Variants in PIP4K2A observed in about 807,000 individuals in gnomAD.
The protein encoded by PIP4K2A is phosphatidylinositol-5-phosphate 4-kinase type 2 alpha, also known as phosphatidylinositol 5-phosphate 4-kinase type-2 alpha.
In PIP4K2A, 14 loss-of-function variants were observed where a neutral mutation model predicts 42.9. That is an observed-to-expected ratio of 0.33 (90% CI 0.22 to 0.51). The LOEUF is 0.51. PIP4K2A is among the 20% of genes least tolerant of loss of function. PIP4K2A has a pLI of 0.97. For missense variants in PIP4K2A, 434 were observed against 519.8 expected (o/e 0.83, Z 1.61); for synonymous variants, 192 against 192.2 (o/e 1.00, Z 0.01).
chr10:22,702,160 T>C (rs1333079488), intron 1 of PIP4K2A, among the ~76,000 whole-genome samples: 1 of 152,140 alleles, frequency 6.6e-6, no homozygotes, highest in East Asian at 1.9e-4. Flanking sequence ...TGAATGACTA[T>C]CCAAGGAAGT....
intron 1 of PIP4K2A, among the ~76,000 whole-genome samples, chr10:22,635,084 G>GGGGA (rs1395126063): frequency 6.6e-6 from 1 of 152,110 alleles, no homozygotes; most frequent in Non-Finnish European, 1.5e-5. Context: ...AGCACATTTG[G>GGGGA]GGGAGGGAGG....
chr10:22,713,622 GAA>G (rs1348897488), intron 1 of PIP4K2A, among the ~76,000 whole-genome samples: 1 of 152,216 alleles, frequency 6.6e-6, no homozygotes, highest in African/African-American at 2.4e-5. Flanking sequence ...AAAGGAAAAA[GAA>G]AGGACCTAAG....
At chr10:22,597,813 TCCTA>T (rs1448966557) in intron 3 of PIP4K2A, among the ~76,000 whole-genome samples, 2 of 152,118 alleles carry the variant, frequency 1.3e-5, no homozygotes, top group East Asian at 3.9e-4. Flanking sequence ...ATGAAGCTGA[TCCTA>T]CCTAAGGCCT....
chr10:22,636,167 G>A (rs574143996), intron 1 of PIP4K2A, among the ~76,000 whole-genome samples: 12 of 152,276 alleles, frequency 7.9e-5, no homozygotes, highest in Admixed American at 7.2e-4. Flanking sequence ...GAACCAGAAG[G>A]AACAGGAAAC....
chr10:22,659,024 A>G (rs191514061), intron 1 of PIP4K2A, among the ~76,000 whole-genome samples: 4 of 152,028 alleles, frequency 2.6e-5, no homozygotes, highest in African/African-American at 9.7e-5. Context: ...AATCCAAGAA[A>G]CTTGGGTCTG....
chr10:22,547,991 C>A (rs558383715), intron 7 of PIP4K2A, among the ~76,000 whole-genome samples: 16 of 152,160 alleles, frequency 1.1e-4, no homozygotes, highest in Non-Finnish European at 1.8e-4. Context: ...AGATCTCCTA[C>A]TCGAGGCATT....
chr10:22,566,174 T>C (rs55867440), intron 6 of PIP4K2A, among the ~76,000 whole-genome samples: 89,155 of 151,972 alleles, frequency 0.59, 26,695 homozygotes, highest in South Asian at 0.78. Context: ...TAATAAAAAC[T>C]TGCTGTTTTT....
At chr10:22,649,991 C>T (rs1838959714) in intron 1 of PIP4K2A, among the ~76,000 whole-genome samples, 1 of 152,168 alleles carries the variant, frequency 6.6e-6, no homozygotes, top group African/African-American at 2.4e-5. Flanking sequence ...TTCTATCTGC[C>T]TTCCTCATTA....
chr10:22,594,173 C>T (rs1837572190), intron 3 of PIP4K2A, among the ~76,000 whole-genome samples: 1 of 152,128 alleles, frequency 6.6e-6, no homozygotes, highest in African/African-American at 2.4e-5. Flanking sequence ...ATGGTGTTTA[C>T]CCTGTGTTTT....
chr10:22,607,145 C>A (rs1048323476), intron 3 of PIP4K2A, among the ~76,000 whole-genome samples: 1 of 152,106 alleles, frequency 6.6e-6, no homozygotes, highest in African/African-American at 2.4e-5. Context: ...CCTTGGATTT[C>A]CACTTTTAAA....
At chr10:22,539,018 A>G (rs1836013600) in intron 9 of PIP4K2A, among the ~76,000 whole-genome samples, 1 of 152,246 alleles carries the variant, frequency 6.6e-6, no homozygotes, top group African/African-American at 2.4e-5. Flanking sequence ...TCCAGGGCCA[A>G]CAAACCAGGG....
At chr10:22,657,269 G>A (rs1373894462) in intron 1 of PIP4K2A, among the ~76,000 whole-genome samples, 3 of 152,158 alleles carry the variant, frequency 2.0e-5, no homozygotes, top group Non-Finnish European at 4.4e-5. Context: ...CCTCTGCAAT[G>A]GGATGCCTTC....
chr10:22,623,055 G>T (rs913112355), intron 1 of PIP4K2A, among the ~76,000 whole-genome samples: 1 of 152,034 alleles, frequency 6.6e-6, no homozygotes, highest in African/African-American at 2.4e-5. Context: ...AGCAAACACC[G>T]GGGCAAATAA....
intron 1 of PIP4K2A, among the ~76,000 whole-genome samples, chr10:22,693,368 T>TA (rs1387220985): frequency 6.6e-6 from 1 of 152,162 alleles, no homozygotes. Context: ...GAGTAATACA[T>TA]ACAAGGATTT....
intron 1 of PIP4K2A, among the ~76,000 whole-genome samples, chr10:22,706,539 A>G (rs1227060774): frequency 6.6e-6 from 1 of 151,818 alleles, no homozygotes; most frequent in East Asian, 1.9e-4. Context: ...AATACCTTCC[A>G]CCCCTAGCAT....
At chr10:22,665,432 CATT>C (rs1216892584) in intron 1 of PIP4K2A, among the ~76,000 whole-genome samples, 1 of 152,006 alleles carries the variant, frequency 6.6e-6, no homozygotes, top group African/African-American at 2.4e-5. Flanking sequence ...TACTGAAGGT[CATT>C]CACTTTGTTT....
chr10:22,627,409 A>G (rs1838462439), intron 1 of PIP4K2A, among the ~76,000 whole-genome samples: 1 of 151,936 alleles, frequency 6.6e-6, no homozygotes, highest in Non-Finnish European at 1.5e-5. Context: ...GCCCTAAGTG[A>G]TCTCTCAAAG....
chr10:22,643,193 T>A (rs1838814685), intron 1 of PIP4K2A, among the ~76,000 whole-genome samples: 2 of 152,076 alleles, frequency 1.3e-5, no homozygotes, highest in African/African-American at 4.8e-5. Flanking sequence ...TCCTCATCCC[T>A]CTCTCACCAA....
chr10:22,577,963 T>C (rs10764338), intron 4 of PIP4K2A, among the ~76,000 whole-genome samples: 125,170 of 152,204 alleles, frequency 0.82, 51,770 homozygotes, highest in East Asian at 0.91. Context: ...TATTTGGTGA[T>C]AGGAAGGAAT....
Sources: gnomAD v4.1 joint callset for allele counts (sites outside exome capture counted in the v4.1 genomes callset) on GRCh38, gnomAD v4.1.1 for gene constraint, MANE v1.5 for transcripts, NCBI Gene and HGNC (gene_info 2026-07-23, HGNC 2026-07-21) for gene names.